OPCML: variants seen among roughly 807,000 people sequenced by gnomAD.
OPCML encodes opioid binding protein/cell adhesion molecule like.
In OPCML, 13 loss-of-function variants were observed where a neutral mutation model predicts 37.8. The ratio of observed to expected loss-of-function variants is 0.34; its 90% confidence interval spans 0.22 to 0.55. The LOEUF is 0.55. Among genes scored for constraint, OPCML ranks in the 20% least tolerant of loss-of-function variants. OPCML has a pLI of 0.91. For synonymous variants in OPCML, 176 were observed against 168.8 expected, an observed-to-expected ratio of 1.04 and a Z score of -0.33; for missense variants, 341 against 435.6, an observed-to-expected ratio of 0.78 and a Z score of 1.93.
intron 1 of OPCML, among the ~76,000 whole-genome samples, chr11:133,140,522 T>G (rs1169054148): frequency 3.4e-4 from 20 of 59,458 alleles, no homozygotes; most frequent in African/African-American, 7.2e-4. Flanking sequence ...AAAATAATAA[T>G]AATAATAATA....
At chr11:133,416,189 TA>T (rs34840974) in intron 1 of OPCML, among the ~76,000 whole-genome samples, 19 of 149,290 alleles carry the variant, frequency 1.3e-4, no homozygotes, top group East Asian at 3.9e-4. Context: ...ATCTTCAAGA[TA>T]AAAAAAAAAC....
chr11:133,016,157 A>G (rs888313683), intron 1 of OPCML, among the ~76,000 whole-genome samples: 8 of 152,162 alleles, frequency 5.3e-5, no homozygotes, highest in Non-Finnish European at 4.4e-5. Flanking sequence ...TAGTGCTTAG[A>G]ACAGTTTATT....
At chr11:132,981,525 T>C (rs1420205688) in intron 1 of OPCML, among the ~76,000 whole-genome samples, 1 of 152,122 alleles carries the variant, frequency 6.6e-6, no homozygotes, top group Admixed American at 6.6e-5. Context: ...TTTGATACAA[T>C]GAGCTCACAC....
intron 4 of OPCML, among the ~76,000 whole-genome samples, chr11:132,477,082 C>G (rs775489936): frequency 1.3e-5 from 2 of 152,152 alleles, no homozygotes; most frequent in African/African-American, 2.4e-5. Context: ...TACATGGACT[C>G]TCATGTTCAC....
intron 1 of OPCML, among the ~76,000 whole-genome samples, chr11:133,405,808 G>A (rs1193503054): frequency 6.6e-6 from 1 of 152,094 alleles, no homozygotes; most frequent in Admixed American, 6.5e-5. Flanking sequence ...TGAACCTAAT[G>A]CTCTTCTTCT....
chr11:132,653,403 G>A (rs758784462), intron 3 of OPCML, among the ~76,000 whole-genome samples: 9 of 152,078 alleles, frequency 5.9e-5, no homozygotes, highest in East Asian at 1.9e-4. Context: ...AGCTTCTCCC[G>A]CTTTAGCTCC....
At chr11:132,909,855 C>T (rs188799430) in intron 2 of OPCML, among the ~76,000 whole-genome samples, 8 of 152,308 alleles carry the variant, frequency 5.3e-5, no homozygotes, top group Admixed American at 5.2e-4. Context: ...TCTAGAATCT[C>T]CTGCATTTAA....
At position 132,799,734 on chromosome 11, in the gene OPCML, T is replaced by TAA. The variant is rs559551643; in HGVS notation, c.147-142417_147-142416dup. Among the ~76,000 whole-genome samples the TAA allele has an allele frequency of 4.3e-3, 626 of 145,950 alleles. 3 individuals are homozygous for TAA. The highest frequency in any genetic ancestry group is 0.013 in the African/African-American group (536 of 40,038). On this transcript the variant is annotated intron_variant, in intron 2 of 7. Transcript: ENST00000524381. ...AGGGTTGCCACAGATCTTCTACTTG[T>TAA]AAAAAAAAAAATGTGATATCTGCAA...
intron 1 of OPCML, among the ~76,000 whole-genome samples, chr11:133,289,167 A>G (rs1189326645): frequency 1.3e-5 from 2 of 152,200 alleles, no homozygotes; most frequent in African/African-American, 4.8e-5. Context: ...GATTAGGTTG[A>G]TACCATTTGT....
At chr11:133,197,201 G>C (rs947195779) in intron 1 of OPCML, among the ~76,000 whole-genome samples, 1 of 152,128 alleles carries the variant, frequency 6.6e-6, no homozygotes, top group Non-Finnish European at 1.5e-5. Flanking sequence ...TTCCTTACCG[G>C]CACCCTGAGT....
chr11:132,846,007 G>C (rs1477975542), intron 2 of OPCML, among the ~76,000 whole-genome samples: 1 of 152,136 alleles, frequency 6.6e-6, no homozygotes, highest in African/African-American at 2.4e-5. Flanking sequence ...AACGCTGAGA[G>C]CAATCCCCCA....
chr11:133,484,794 T>A (rs1435776680), intron 1 of OPCML, among the ~76,000 whole-genome samples: 1 of 152,072 alleles, frequency 6.6e-6, no homozygotes, highest in Non-Finnish European at 1.5e-5. Context: ...GATTTATCAA[T>A]GATAAGTTGT....
At position 132,956,831 on chromosome 11, in the gene OPCML, CAG is replaced by C. The variant is rs765160544; in HGVS notation, c.62-13823_62-13822del. Reference sequence around the variant, plus strand: ...GGAATCAGTTTTACAAAGATAGAGTCAGGGAAAAATAAAACAAGGCCAGGCAT... The same window carrying C: ...GGAATCAGTTTTACAAAGATAGAGTCGGAAAAATAAAACAAGGCCAGGCAT... On this transcript the variant is annotated intron_variant, in intron 1 of 7. Coordinates refer to ENST00000524381, the MANE Select transcript of OPCML (RefSeq NM_001012393.5). Among the ~76,000 whole-genome samples, 5 of 152,184 alleles carry C rather than the reference CAG, an allele frequency of 3.3e-5. No homozygotes were observed. The East Asian group carries it at 9.7e-4, about 29-fold the overall frequency.
chr11:132,702,367 A>G (rs889525845), intron 2 of OPCML, among the ~76,000 whole-genome samples: 2 of 152,170 alleles, frequency 1.3e-5, no homozygotes. Context: ...CACTTTGACT[A>G]TATCACCCCA....
chr11:132,541,898 C>T (rs2096357523), intron 3 of OPCML, among the ~76,000 whole-genome samples: 1 of 152,124 alleles, frequency 6.6e-6, no homozygotes, highest in Non-Finnish European at 1.5e-5. Context: ...AGAAGTCTTG[C>T]AAGGTTTGGA....
chr11:132,478,860 C>T (rs1012746932), intron 4 of OPCML, among the ~76,000 whole-genome samples: 5 of 152,022 alleles, frequency 3.3e-5, no homozygotes, highest in Non-Finnish European at 5.9e-5. Flanking sequence ...TATGCTGAGA[C>T]CAAGAGAATA....
chr11:132,504,272 T>C (rs2096251743), intron 4 of OPCML, among the ~76,000 whole-genome samples: 1 of 152,188 alleles, frequency 6.6e-6, no homozygotes, highest in Non-Finnish European at 1.5e-5. Flanking sequence ...CCTCCATAGC[T>C]ATCTTTACCC....
intron 1 of OPCML, among the ~76,000 whole-genome samples, chr11:133,278,055 T>C (rs2136500082): frequency 6.6e-6 from 1 of 152,300 alleles, no homozygotes; most frequent in Non-Finnish European, 1.5e-5. Flanking sequence ...AGCACTGGAA[T>C]TCTGAAAGTG....
chr11:132,618,950 C>T (rs1040354036), intron 3 of OPCML, among the ~76,000 whole-genome samples: 74 of 121,496 alleles, frequency 6.1e-4, no homozygotes, highest in African/African-American at 2.4e-3. Context: ...CACAAGCACA[C>T]GCATACACAC....
Sources: allele counts gnomAD v4.1 joint callset (sites outside exome capture counted in the v4.1 genomes callset), GRCh38; gene constraint gnomAD v4.1.1; transcripts MANE v1.5; gene names NCBI Gene and HGNC (gene_info 2026-07-23, HGNC 2026-07-21).